The following XPO1 variants were observed in gnomAD, a reference collection of about 807,000 sequenced individuals.
The protein encoded by XPO1 is exportin 1.
In XPO1, 5 loss-of-function variants were observed where a neutral mutation model predicts 133.3. That is an observed-to-expected ratio of 0.04 (90% CI 0.02 to 0.08). The LOEUF (loss-of-function observed/expected upper bound fraction) is 0.08, where lower values mean the gene tolerates loss of function less well. Among genes scored for constraint, XPO1 ranks in the 10% least tolerant of loss-of-function variants. The probability of loss-of-function intolerance (pLI) is 1.00; values close to 1 mark genes in which losing one functional copy is unlikely to be tolerated. For synonymous variants in XPO1, 419 were observed against 408.2 expected (o/e 1.03, Z -0.32); for missense variants, 506 against 1,267.5 (o/e 0.40, Z 9.12).
chr2:61,501,617 G>C (rs1697524046), intron 6 of XPO1, among the ~76,000 whole-genome samples: 1 of 151,224 alleles, frequency 6.6e-6, no homozygotes, highest in African/African-American at 2.4e-5. Flanking sequence ...CAGCCACTCA[G>C]GAGGCTGAGG....
At chr2:61,504,919 T>C (rs747101393) in intron 4 of XPO1, among the ~76,000 whole-genome samples, 6 of 152,208 alleles carry the variant, frequency 3.9e-5, no homozygotes, top group African/African-American at 7.2e-5. Flanking sequence ...ACGTAATACA[T>C]GTAAGAGAAA....
intron 17 of XPO1, among the ~76,000 whole-genome samples, chr2:61,490,348 G>A (rs917501845): frequency 3.3e-5 from 5 of 151,890 alleles, no homozygotes; most frequent in South Asian, 2.1e-4. Context: ...ACAGGCATGT[G>A]CAACCACGCC....
chr2:61,479,285 C>G (rs1363598891), intron 24 of XPO1, among the ~76,000 whole-genome samples: 3 of 151,856 alleles, frequency 2.0e-5, no homozygotes, highest in Non-Finnish European at 2.9e-5. Flanking sequence ...ATGGTGAAAC[C>G]CTGTCATTAC....
chr2:61,486,773 A>G (rs1696715871), intron 19 of XPO1, among the ~76,000 whole-genome samples: 1 of 152,120 alleles, frequency 6.6e-6, no homozygotes, highest in Non-Finnish European at 1.5e-5. Flanking sequence ...AATAACATCA[A>G]TCAATTACTC....
chr2:61,504,326 G>T (rs191512851), intron 4 of XPO1, among the ~76,000 whole-genome samples: 1 of 152,046 alleles, frequency 6.6e-6, no homozygotes, highest in Admixed American at 6.6e-5. Context: ...AAAATCACAG[G>T]GTTCAAGAGT....
intron 17 of XPO1, among the ~76,000 whole-genome samples, 157 bp from the exon 18 acceptor site, chr2:61,488,928 C>G (rs561207790): frequency 6.6e-6 from 1 of 152,130 alleles, no homozygotes; most frequent in African/African-American, 2.4e-5. Context: ...GGTGAAACCC[C>G]GTCTCTACTA....
At chr2:61,485,508 G>C (rs995049003) in intron 20 of XPO1, 2 of 178,828 alleles carry the variant, frequency 1.1e-5, no homozygotes, top group Non-Finnish European at 2.2e-5. Context: ...GAGTAGTTGG[G>C]ACTACCGGCA....
intron 2 of XPO1, among the ~76,000 whole-genome samples, chr2:61,527,710 T>C (rs1698967475): frequency 6.6e-6 from 1 of 152,200 alleles, no homozygotes; most frequent in South Asian, 2.1e-4. Flanking sequence ...CCTTTCTCCA[T>C]TCTGAAATTT....
rs565503590 is a variant in XPO1, at chr2:61,491,455, A to C, written c.1887+580T>G. ...GACAGAGTGAAACTCCATCTCAAAA[A>C]ACAAACACACACACACACACACACA... On this transcript the variant is annotated intron_variant, in intron 16 of 24. Coordinates refer to ENST00000401558, the MANE Select transcript of XPO1 (RefSeq NM_003400.4). Among the ~76,000 whole-genome samples, 230 of 91,300 alleles carry C rather than the reference A, an allele frequency of 2.5e-3. 1 individual carries two copies. Among genetic ancestry groups the C allele is most frequent in the African/African-American group, 9.8e-3 (213 of 21,730 alleles). The allele number at this position is 91,300 out of a possible 152,430, so 59.9% of individuals were successfully genotyped here. A position where few individuals can be genotyped will look rare whatever the true frequency, so the allele number is the denominator to read the frequency against.
intron 24 of XPO1, among the ~76,000 whole-genome samples, chr2:61,479,366 C>T (rs1233653975): frequency 1.3e-5 from 2 of 151,904 alleles, no homozygotes; most frequent in African/African-American, 2.4e-5. Flanking sequence ...GCAGGAGAAT[C>T]ACTTGAACCT....
chr2:61,533,768 T>A lies in XPO1; in HGVS notation c.126+4A>T, dbSNP rs749453169. The A allele has an allele frequency of 6.3e-7, 1 of 1,580,828 alleles. No individual in the cohort carries two copies. The highest frequency in any genetic ancestry group is 1.9e-5 in the Admixed American group (1 of 52,830). On this transcript the variant is annotated splice_donor_region_variant and intron_variant, in intron 2 of 24. Coordinates refer to ENST00000401558, the MANE Select transcript of XPO1 (RefSeq NM_003400.4). ...TGTTATAAAGTTTTGGTTGGCTACT[T>A]TACCTGGGCTCCTTCTCCATGGTAT...
intron 4 of XPO1, among the ~76,000 whole-genome samples, chr2:61,515,683 G>C (rs921104951): frequency 6.6e-6 from 1 of 152,040 alleles, no homozygotes; most frequent in South Asian, 2.1e-4. Flanking sequence ...CGTGTCTCAC[G>C]TCAAAGGAGA....
intron 4 of XPO1, among the ~76,000 whole-genome samples, chr2:61,504,765 T>C (rs1288882708): frequency 1.3e-5 from 2 of 152,200 alleles, no homozygotes; most frequent in Non-Finnish European, 2.9e-5. Flanking sequence ...CAAACTATGG[T>C]TCTTCAATGG....
At chr2:61,499,346 G>A (rs1002524248) in intron 7 of XPO1, among the ~76,000 whole-genome samples, 2 of 152,142 alleles carry the variant, frequency 1.3e-5, no homozygotes, top group African/African-American at 2.4e-5. Flanking sequence ...CCAGGAGGTG[G>A]GGGTTGTGGT....
intron 4 of XPO1, among the ~76,000 whole-genome samples, chr2:61,521,906 C>T (rs956983100): frequency 2.6e-5 from 4 of 151,982 alleles, no homozygotes; most frequent in Admixed American, 6.6e-5. Flanking sequence ...CCGCCACCTG[C>T]ACCAAAATAC....
intron 6 of XPO1, 96 bp from the exon 7 acceptor site, chr2:61,499,990 A>T (rs1377134847): frequency 8.3e-7 from 1 of 1,207,702 alleles, no homozygotes; most frequent in African/African-American, 1.5e-5. Flanking sequence ...GGCAGGAGTA[A>T]GGATAAATCA....
At chr2:61,531,164 T>C (rs897050781) in intron 2 of XPO1, among the ~76,000 whole-genome samples, 6 of 152,366 alleles carry the variant, frequency 3.9e-5, no homozygotes, top group Admixed American at 3.9e-4. Flanking sequence ...AAAAGTAGAC[T>C]GAACTAACGA....
intron 4 of XPO1, among the ~76,000 whole-genome samples, chr2:61,511,341 G>C (rs1369283058): frequency 6.6e-6 from 1 of 152,144 alleles, no homozygotes; most frequent in Non-Finnish European, 1.5e-5. Flanking sequence ...TGGTCAGGCT[G>C]ATCTCGAACT....
Position 61,482,531 on chromosome 2 carries a change from T to C in XPO1, c.2821A>G (p.Met941Val). 1 of 1,596,714 alleles carries C rather than the reference T, an allele frequency of 6.3e-7. No homozygotes were observed. The highest frequency in any genetic ancestry group is 8.5e-7 in the Non-Finnish European group (1 of 1,172,950). ...ATATATGCAAGAATTGATGCATGCATTGTTAAACCTGTTGATAAGAAGAAA... is the reference window on the plus strand; with the variant it reads ...ATATATGCAAGAATTGATGCATGCACTGTTAAACCTGTTGATAAGAAGAAA... ...TDTSHTAGLT[M>V]HASILAYMFN... The change falls in exon 23 of 25, where the codon ATG (methionine) becomes GTG (valine). Residue 941 changes from methionine to valine, a missense_variant. By Grantham distance (21) the Met-to-Val change is conservative (BLOSUM62 1). Coordinates refer to ENST00000401558, the MANE Select transcript of XPO1 (RefSeq NM_003400.4).
Sources: gnomAD v4.1 joint callset for allele counts (sites outside exome capture counted in the v4.1 genomes callset) on GRCh38, gnomAD v4.1.1 for gene constraint, MANE v1.5 for transcripts, NCBI Gene and HGNC (gene_info 2026-07-23, HGNC 2026-07-21) for gene names.